CD58: variants seen among roughly 807,000 people sequenced by gnomAD.
CD58 encodes CD58 molecule.
In CD58, 14 loss-of-function variants were observed where a neutral mutation model predicts 27.6. The observed-to-expected ratio is 0.51, with a 90% confidence interval of 0.34 to 0.79. The LOEUF is 0.79. CD58 is among the 30% of genes least tolerant of loss of function. The pLI, the probability that CD58 is intolerant of heterozygous loss-of-function variation, is 0.02. For missense variants in CD58, 268 were observed against 301.7 expected, an observed-to-expected ratio of 0.89 and a Z score of 0.83; for synonymous variants, 117 against 103.8, an observed-to-expected ratio of 1.13 and a Z score of -0.77.
intron 2 of CD58, among the ~76,000 whole-genome samples, chr1:116,540,920 C>A (rs529570086): frequency 3.3e-5 from 5 of 152,196 alleles, no homozygotes; most frequent in African/African-American, 1.2e-4. Flanking sequence ...AGGGATCCTC[C>A]CACCTCAGCC....
chr1:116,555,030 C>CGAATGAAT (rs1013914875), intron 1 of CD58, among the ~76,000 whole-genome samples: 1 of 151,758 alleles, frequency 6.6e-6, no homozygotes. Flanking sequence ...CATGGATGAA[C>CGAATGAAT]GAATGAATGA....
rs988215817 is a variant in CD58, at chr1:116,570,423, C to A, written c.70+480G>T. Among the ~76,000 whole-genome samples, 2 of 152,122 alleles carry A rather than the reference C, an allele frequency of 1.3e-5. No homozygotes were observed. The highest frequency in any genetic ancestry group is 2.4e-5 in the African/African-American group (1 of 41,450). ...TTCTGAAAAGTCCTCTCTGCTGATA[C>A]GGCGGACGCCGCGCGGGCGGGGACG... On this transcript the variant is annotated intron_variant, in intron 1 of 5. Transcript: ENST00000369489. The surrounding 1 kb of genome is among the most constrained non-coding windows in gnomAD (Gnocchi z 6.4).
chr1:116,536,154 G>A lies in CD58; in HGVS notation c.439C>T (p.His147Tyr), dbSNP rs17850015. The A allele has an allele frequency of 6.2e-7, 1 of 1,612,984 alleles. No individual in the cohort carries two copies. The highest frequency in any genetic ancestry group is 1.1e-5 in the South Asian group (1 of 91,064). ...SIEVQCMIPEHYNSHRGLIMY... is the reference protein window; with the variant it reads ...SIEVQCMIPEYYNSHRGLIMY... ...ATAAGTCCTCGATGGCTGTTGTAAT[G>A]CTCTGGTATCATGCATTGGACTTCA... Residue 147 changes from histidine (H) to tyrosine (Y), a missense_variant, in exon 3 of 6, where the codon CAT becomes TAT. By Grantham distance (83) the His-to-Tyr change is moderately conservative. Transcript: ENST00000369489. This position sits in a 1 kb window ranked among gnomAD's most constrained non-coding sequence, Gnocchi z 5.4.
chr1:116,542,082 C>A (rs1174191520), intron 2 of CD58, among the ~76,000 whole-genome samples: 3 of 152,194 alleles, frequency 2.0e-5, no homozygotes, highest in Non-Finnish European at 4.4e-5. Flanking sequence ...AGTTCAAGAC[C>A]AGCCTGACCA....
chr1:116,558,096 AT>A (rs1419666888), intron 1 of CD58, among the ~76,000 whole-genome samples: 1 of 150,600 alleles, frequency 6.6e-6, no homozygotes, highest in Non-Finnish European at 1.5e-5. Flanking sequence ...TCTCTAAAAT[AT>A]TTTAAGGCTC....
At position 116,516,341 on chromosome 1, in the gene CD58, C is replaced by T. The variant is rs1442649924; in HGVS notation, c.744-1519G>A. ...AAAAATATACCAAGAAAAGTAAGCT[C>T]CTCTCTCAATCTCAGCCCCAAATAC... On this transcript the variant is annotated intron_variant, in intron 5 of 5. Transcript: ENST00000369489. This position sits in a 1 kb window ranked among gnomAD's most constrained non-coding sequence, Gnocchi z 6.1. Among the ~76,000 whole-genome samples the T allele has an allele frequency of 6.6e-6, 1 of 152,144 alleles. No homozygotes were observed. Among genetic ancestry groups the T allele is most frequent in the Non-Finnish European group, 1.5e-5 (1 of 68,022 alleles).
In CD58 at chr1:116,532,871, CTG is replaced by C; in HGVS notation, c.628+3092_628+3093del. 1 of 687,696 alleles carries C rather than the reference CTG, an allele frequency of 1.5e-6. No homozygotes were observed. Among genetic ancestry groups the C allele is most frequent in the Non-Finnish European group, 2.6e-6 (1 of 390,540 alleles). The allele number at this position is 687,696 out of a possible 1,614,324, so 42.6% of individuals were successfully genotyped here. A position where few individuals can be genotyped will look rare whatever the true frequency, so the allele number is the denominator to read the frequency against. ...GGGATTGTGCCGCATGCGGCAAAGA[CTG>C]AGGCCTCCCGCTACAGGCCCGGAGT... On this transcript the variant is annotated intron_variant, in intron 3 of 5. Coordinates refer to ENST00000369489, the MANE Select transcript of CD58 (RefSeq NM_001779.3). The surrounding 1 kb of genome is among the most constrained non-coding windows in gnomAD (Gnocchi z 5.1).
intron 3 of CD58, 117 bp downstream of exon 3, chr1:116,535,840 CAAAAAAAA>C (rs35445069): frequency 1.9e-4 from 29 of 153,022 alleles, no homozygotes; most frequent in African/African-American, 6.4e-4. Flanking sequence ...GACTCTGTCT[CAAAAAAAA>C]AAAAAAAAAA....
At chr1:116,530,733 T>A (rs1230855508) in intron 3 of CD58, among the ~76,000 whole-genome samples, 2 of 152,154 alleles carry the variant, frequency 1.3e-5, no homozygotes, top group African/African-American at 4.8e-5. Flanking sequence ...TGGATTTGTA[T>A]CTATTATGAT....
intron 3 of CD58, among the ~76,000 whole-genome samples, chr1:116,530,050 GA>G (rs1657547544): frequency 6.6e-6 from 1 of 152,068 alleles, no homozygotes; most frequent in Admixed American, 6.5e-5. Context: ...ATAAATCAAA[GA>G]AAACTTTAAA....
chr1:116,528,348 C>A lies in CD58; in HGVS notation c.629-6365G>T, dbSNP rs1657490516. Among the ~76,000 whole-genome samples, 1 of 152,014 alleles carries A rather than the reference C, an allele frequency of 6.6e-6. No homozygotes were observed. The highest frequency in any genetic ancestry group is 1.9e-4 in the East Asian group (1 of 5,194). ...TATGATGAATTTTTCCAATTTCTCT[C>A]TTTTTTCTTAGGAGTAAGATCAAAG... is the stretch of plus-strand genomic sequence containing the variant. On this transcript the variant is annotated intron_variant, in intron 3 of 5. Transcript: ENST00000369489. This position sits in a 1 kb window ranked among gnomAD's most constrained non-coding sequence, Gnocchi z 4.4.
chr1:116,514,745 G>T lies in CD58; in HGVS notation c.*68C>A, dbSNP rs1657021733. ...TTCAAAAATTGTAATACTCAAATGA[G>T]AAATCAGATGGCTTTTTAGTTTTTA... On this transcript the variant is annotated 3_prime_UTR_variant, in exon 6 of 6. Coordinates refer to ENST00000369489, the MANE Select transcript of CD58 (RefSeq NM_001779.3). 9.6e-7 allele frequency: 1 copy of T among 1,039,430 alleles called. No individual in the cohort carries two copies. 64.4% of individuals were successfully genotyped at this position (1,039,430 alleles called of 1,614,324 possible). A position where few individuals can be genotyped will look rare whatever the true frequency, so the allele number is the denominator to read the frequency against.
rs1557830482 is a variant in CD58 at position 116,515,808 on chromosome 1, A to T, written c.744-986T>A. Among the ~76,000 whole-genome samples the T allele has an allele frequency of 6.6e-6, 1 of 152,134 alleles. No homozygotes were observed. Among genetic ancestry groups the T allele is most frequent in the Admixed American group, 6.5e-5 (1 of 15,276 alleles). On this transcript the variant is annotated intron_variant, in intron 5 of 5. Transcript: ENST00000369489. The surrounding 1 kb of genome is among the most constrained non-coding windows in gnomAD (Gnocchi z 4.6). ...ACACTTACACAAAAAATACCAGGGC[A>T]CTCAGAAATTGCCTACGTTGAACTG...
chr1:116,538,810 C>T lies in CD58; in HGVS notation c.365-2582G>A, dbSNP rs943359696. 2.6e-5 allele frequency among the ~76,000 whole-genome samples: 4 copies of T among 152,132 alleles called. No homozygotes were observed. Among genetic ancestry groups the T allele is most frequent in the African/African-American group, 7.2e-5 (3 of 41,420 alleles). ...GACATAATGCAAGGCACACAGATGG[C>T]TCCTCACAAGCAGTACAGGACAGAT... On this transcript the variant is annotated intron_variant, in intron 2 of 5. Transcript: ENST00000369489. The surrounding 1 kb of genome is among the most constrained non-coding windows in gnomAD (Gnocchi z 4.7).
chr1:116,565,042 C>T (rs1658885940), intron 1 of CD58, among the ~76,000 whole-genome samples: 1 of 152,194 alleles, frequency 6.6e-6, no homozygotes, highest in Admixed American at 6.5e-5. Context: ...CCAGATATCT[C>T]CCACCCCCAG....
chr1:116,567,072 C>T (rs976072950), intron 1 of CD58, among the ~76,000 whole-genome samples: 1 of 150,706 alleles, frequency 6.6e-6, no homozygotes, highest in African/African-American at 2.5e-5. Flanking sequence ...TCTGGGAGAT[C>T]AAGGCTGCAG....
intron 5 of CD58, chr1:116,518,730 T>TA (rs2101152148): frequency 2.0e-6 from 2 of 991,924 alleles, no homozygotes; most frequent in South Asian, 9.1e-5. Flanking sequence ...ACACTGCTGC[T>TA]AATTGTGTTT....
rs1471957657 is a variant in CD58 at position 116,532,661 on chromosome 1, G to C, written c.628+3304C>G. Reference sequence around the variant, plus strand: ...GGGGTCTATGGGGCCCTCCCGCAGGGAAGGGTCCAGGCAAGTCCAGAGCTA... The same window carrying C: ...GGGGTCTATGGGGCCCTCCCGCAGGCAAGGGTCCAGGCAAGTCCAGAGCTA... On this transcript the variant is annotated intron_variant, in intron 3 of 5. Coordinates refer to ENST00000369489, the MANE Select transcript of CD58 (RefSeq NM_001779.3). The surrounding 1 kb of genome is among the most constrained non-coding windows in gnomAD (Gnocchi z 5.1). Among the ~76,000 whole-genome samples, 6 of 152,212 alleles carry C rather than the reference G, an allele frequency of 3.9e-5. No homozygotes were observed. Among genetic ancestry groups the C allele is most frequent in the Admixed American group, 3.3e-4 (5 of 15,282 alleles).
Position 116,523,686 on chromosome 1 carries a change from A to C in CD58, c.629-1703T>G, listed in dbSNP as rs1657339485. ...TTTCATGATGTCAGTGCCACTGAAG[A>C]TCATTGTCTAGAGCCATAAGTTCAT... is the stretch of plus-strand genomic sequence containing the variant. On this transcript the variant is annotated intron_variant, in intron 3 of 5. Transcript: ENST00000369489. This position sits in a 1 kb window ranked among gnomAD's most constrained non-coding sequence, Gnocchi z 4.4. Among the ~76,000 whole-genome samples, 2 of 152,178 alleles carry C rather than the reference A, an allele frequency of 1.3e-5. No homozygotes were observed. Among genetic ancestry groups the C allele is most frequent in the African/African-American group, 4.8e-5 (2 of 41,438 alleles).
Sources: gnomAD v4.1 joint callset for allele counts (sites outside exome capture counted in the v4.1 genomes callset) on GRCh38, gnomAD v4.1.1 for gene constraint, Gnocchi (gnomAD v3.1) non-coding constraint, MANE v1.5 for transcripts, NCBI Gene and HGNC (gene_info 2026-07-23, HGNC 2026-07-21) for gene names.